The following EDEM3 variants were observed in gnomAD, a reference collection of about 807,000 sequenced individuals.
EDEM3 encodes ER degradation enhancing alpha-mannosidase like protein 3, also known as ER degradation-enhancing alpha-mannosidase-like protein 3.
EDEM3 carries 60 observed loss-of-function variants against 110.2 expected under a neutral mutation model. The observed-to-expected ratio is 0.54, with a 90% CI of 0.44 to 0.67. The LOEUF (loss-of-function observed/expected upper bound fraction) is 0.67. Among genes scored for constraint, EDEM3 ranks in the 30% least tolerant of loss-of-function variants. The pLI, the probability that EDEM3 is intolerant of heterozygous loss-of-function variation, is 0.00. For synonymous variants in EDEM3, 352 were observed against 382.9 expected (o/e 0.92, Z 0.94); for missense variants, 996 against 1,121.0 (o/e 0.89, Z 1.59).
chr1:184,745,664 G>A (rs1368022516), intron 2 of EDEM3, among the ~76,000 whole-genome samples: 1 of 152,148 alleles, frequency 6.6e-6, no homozygotes, highest in Non-Finnish European at 1.5e-5. Context: ...AGTTCATTTT[G>A]AAAGAGTTCC....
At chr1:184,729,484 G>A (rs1297595746) in intron 6 of EDEM3, among the ~76,000 whole-genome samples, 1 of 152,052 alleles carries the variant, frequency 6.6e-6, no homozygotes, top group Non-Finnish European at 1.5e-5. Context: ...TTAACTTTGA[G>A]GAAATGGCAT....
chr1:184,723,942 A>C, intron 7 of EDEM3, 86 bp from the exon 8 acceptor site: 3 of 943,910 alleles, frequency 3.2e-6, no homozygotes, highest in African/African-American at 1.7e-5. Flanking sequence ...AACAAACAAA[A>C]CTCAAAGGCC....
rs78736978 is a variant in EDEM3, at chr1:184,728,617, T to A, written c.613-2228A>T. 9.8e-3 allele frequency among the ~76,000 whole-genome samples: 1,486 copies of A among 151,854 alleles called. 22 individuals are homozygous for A. Among genetic ancestry groups the A allele is most frequent in the East Asian group, 0.038 (198 of 5,160 alleles). On this transcript the variant is annotated intron_variant, in intron 6 of 19. Transcript: ENST00000318130. ...GTATTAAACAACTTTTTTTTTTTTT[T>A]AATTTTTTGTGGGGATGGAGTCTCA...
chr1:184,724,558 G>T (rs1651091063), intron 7 of EDEM3, among the ~76,000 whole-genome samples: 7 of 152,072 alleles, frequency 4.6e-5, no homozygotes, highest in Admixed American at 3.9e-4. Context: ...GTACAGGCAG[G>T]TTTCTAAATT....
intron 2 of EDEM3, among the ~76,000 whole-genome samples, chr1:184,746,460 A>G (rs763560230): frequency 1.3e-5 from 2 of 152,250 alleles, no homozygotes; most frequent in Non-Finnish European, 2.9e-5. Flanking sequence ...AGTAGTCGTT[A>G]TCAGTAGCAG....
At chr1:184,753,070 T>C (rs923517073) in intron 1 of EDEM3, among the ~76,000 whole-genome samples, 2 of 152,240 alleles carry the variant, frequency 1.3e-5, no homozygotes, top group Admixed American at 6.5e-5. Context: ...GTGACCTTTA[T>C]TGCTATTTAG....
chr1:184,748,876 A>C (rs1652593070), intron 2 of EDEM3, among the ~76,000 whole-genome samples: 1 of 152,244 alleles, frequency 6.6e-6, no homozygotes, highest in South Asian at 2.1e-4. Flanking sequence ...AAATGTAAAA[A>C]CAAGGTTATA....
intron 2 of EDEM3, among the ~76,000 whole-genome samples, chr1:184,746,074 A>G (rs1365580831): frequency 6.6e-6 from 1 of 152,222 alleles, no homozygotes; most frequent in Non-Finnish European, 1.5e-5. Context: ...GTAAACGAGA[A>G]AGCCATCTGT....
chr1:184,719,454 G>C lies in EDEM3; in HGVS notation c.1066C>G (p.Pro356Ala). 1.2e-6 allele frequency: 2 copies of C among 1,612,912 alleles called. No homozygotes were observed. The highest frequency in any genetic ancestry group is 1.7e-6 in the Non-Finnish European group (2 of 1,179,656). The change falls in exon 10 of 20, where the codon CCA (proline) becomes GCA (alanine). Residue 356 changes from proline to alanine, a missense_variant. Coordinates refer to ENST00000318130, the MANE Select transcript of EDEM3 (RefSeq NM_025191.4). ...TWMDALLAFF[P>A]GLQVLKGDIR... Reference sequence around the variant, plus strand: ...AGAATTCTTTATACCTGCAAGCCTGGGAAGAAGGCAAGCAAAGCATCCATC... The same window carrying C: ...AGAATTCTTTATACCTGCAAGCCTGCGAAGAAGGCAAGCAAAGCATCCATC...
At chr1:184,726,785 G>A (rs909158436) in intron 6 of EDEM3, among the ~76,000 whole-genome samples, 1 of 152,050 alleles carries the variant, frequency 6.6e-6, no homozygotes, top group Non-Finnish European at 1.5e-5. Context: ...AAGAAATTAG[G>A]GTTAGTTTAG....
chr1:184,697,618 G>C (rs1321770071), intron 19 of EDEM3, among the ~76,000 whole-genome samples: 1 of 151,766 alleles, frequency 6.6e-6, no homozygotes, highest in East Asian at 1.9e-4. Flanking sequence ...TGAGTGGTTT[G>C]CTTCATAAAT....
chr1:184,710,598 G>A (rs1286625291), intron 15 of EDEM3, 51 bp from the exon 16 acceptor site: 3 of 1,511,112 alleles, frequency 2.0e-6, no homozygotes, highest in African/African-American at 1.4e-5. Context: ...ATTAGAATTG[G>A]CAAAAAACAC....
chr1:184,717,576 C>T lies in EDEM3; in HGVS notation c.1209G>A (p.Arg403=). ...FRVHWAQHPL[R]PEFAESTYFL... ...AGTAGGTACTTTCTGCAAATTCTGG[C>T]CTTAAAGGATGTTGAGCCCAGTGTA... Residue 403 remains arginine, a synonymous_variant, in exon 12 of 20, where the codon AGG becomes AGA. Coordinates refer to ENST00000318130, the MANE Select transcript of EDEM3 (RefSeq NM_025191.4). 1 of 1,606,530 alleles carries T rather than the reference C, an allele frequency of 6.2e-7. No individual in the cohort carries two copies. The highest frequency in any genetic ancestry group is 8.5e-7 in the Non-Finnish European group (1 of 1,177,004).
At chr1:184,745,821 A>G (rs1652401772) in intron 2 of EDEM3, among the ~76,000 whole-genome samples, 1 of 152,212 alleles carries the variant, frequency 6.6e-6, no homozygotes, top group African/African-American at 2.4e-5. Context: ...TTACCAGAAT[A>G]TAGTTTTTGC....
At chr1:184,732,739 C>G in intron 6 of EDEM3, 98 bp downstream of exon 6, 1 of 1,236,482 alleles carries the variant, frequency 8.1e-7, no homozygotes, top group Non-Finnish European at 1.1e-6. Context: ...TTTTTTCAGC[C>G]TCAAGCTGGT....
At position 184,734,626 on chromosome 1, in the gene EDEM3, T is replaced by G. The variant is rs1651723436; in HGVS notation, c.363A>C (p.Lys121Asn). 6.9e-7 allele frequency: 1 copy of G among 1,450,262 alleles called. No individual in the cohort carries two copies. The highest frequency in any genetic ancestry group is 9.4e-7 in the Non-Finnish European group (1 of 1,061,098). The allele number at this position is 1,450,262 out of a possible 1,614,324, so 89.8% of individuals were successfully genotyped here. A position where few individuals can be genotyped will look rare whatever the true frequency, so the allele number is the denominator to read the frequency against. Residue 121 changes from lysine (K) to asparagine (N), a missense_variant, in exon 5 of 20, where the codon AAA becomes AAC. By Grantham distance (94) the Lys-to-Asn change is moderately conservative. This residue lies in a region of EDEM3 where 200 missense variants were observed against 183.8 expected (regional missense o/e 1.09). Transcript: ENST00000318130. The stretch of plus-strand genomic sequence containing the variant: ...CTTTTCTCACTGCATCTTCAAATTC[T>G]TTAGTTTTATTTAAAACCTGGGAGA... ...LDTLVVLNKT[K>N]EFEDAVRKVL...
Position 184,692,177 on chromosome 1 carries a change from T to C in EDEM3, c.*1886A>G, listed in dbSNP as rs1442312702. 1 of 152,100 alleles carries C rather than the reference T, an allele frequency of 6.6e-6. No individual in the cohort carries two copies. Among genetic ancestry groups the C allele is most frequent in the East Asian group, 1.9e-4 (1 of 5,204 alleles). 9.4% of individuals were successfully genotyped at this position (152,100 alleles called of 1,614,324 possible). A position where few individuals can be genotyped will look rare whatever the true frequency, so the allele number is the denominator to read the frequency against. On this transcript the variant is annotated 3_prime_UTR_variant, in exon 20 of 20. Coordinates refer to ENST00000318130, the MANE Select transcript of EDEM3 (RefSeq NM_025191.4). ...ATCAAGGCAAGTCAAGTAATTAAGC[T>C]TCAACTATTTTGGCAGCTTTGCAAT...
chr1:184,692,011 T>C lies in EDEM3; in HGVS notation c.*2052A>G, dbSNP rs532013259. The C allele has an allele frequency of 7.2e-5, 11 of 152,120 alleles. No homozygotes were observed. The highest frequency in any genetic ancestry group is 1.6e-4 in the Non-Finnish European group (11 of 67,996). The allele number at this position is 152,120 out of a possible 1,614,324, so 9.4% of individuals were successfully genotyped here. A position where few individuals can be genotyped will look rare whatever the true frequency, so the allele number is the denominator to read the frequency against. ...CCTTGTTGGAAAAGAAATTAGGTTG[T>C]TTTGATAACTTAGAAAAGTTAGTTT... On this transcript the variant is annotated 3_prime_UTR_variant, in exon 20 of 20. Transcript: ENST00000318130.
At position 184,734,859 on chromosome 1, in the gene EDEM3, C is replaced by T. The variant is rs143594344; in HGVS notation, c.346-216G>A. ...ATCTTTATACACTTCTTTGCATACA[C>T]CGAAATATTATGAGGACTTTGAAGC... On this transcript the variant is annotated intron_variant, in intron 4 of 19. Transcript: ENST00000318130. Among the ~76,000 whole-genome samples, 7 of 152,160 alleles carry T rather than the reference C, an allele frequency of 4.6e-5. No homozygotes were observed. In the East Asian group the frequency reaches 1.3e-3, roughly 29 times the overall value.
Sources: allele counts gnomAD v4.1 joint callset (sites outside exome capture counted in the v4.1 genomes callset), GRCh38; gene constraint gnomAD v4.1.1; regional missense constraint gnomAD v4.1.1; transcripts MANE v1.5; gene names NCBI Gene and HGNC (gene_info 2026-07-23, HGNC 2026-07-21).